Variants in CFDP1 observed in about 807,000 individuals in gnomAD.
The protein encoded by CFDP1 is heterochromatin-stabilizing protein CFDP1.
CFDP1 carries 31 observed loss-of-function variants against 40.1 expected under a neutral mutation model. That is an observed-to-expected ratio of 0.77 (90% CI 0.58 to 1.04). The LOEUF is 1.04. CFDP1 is among the 50% of genes least tolerant of loss of function. CFDP1 has a pLI of 0.00. For missense variants in CFDP1, 423 were observed against 343.4 expected, an observed-to-expected ratio of 1.23 and a Z score of -1.83; for synonymous variants, 167 against 120.0, an observed-to-expected ratio of 1.39 and a Z score of -2.56.
intron 5 of CFDP1, among the ~76,000 whole-genome samples, chr16:75,308,156 G>A (rs959855643): frequency 1.3e-5 from 2 of 152,218 alleles, no homozygotes; most frequent in African/African-American, 2.4e-5. Flanking sequence ...AGGTGGTGGA[G>A]CTCAAGCCAT....
At position 75,307,001 on chromosome 16, in the gene CFDP1, T is replaced by C. The variant is rs140309543; in HGVS notation, c.651-1819A>G. Among the ~76,000 whole-genome samples, 9 of 152,290 alleles carry C rather than the reference T, an allele frequency of 5.9e-5. No individual in the cohort carries two copies. The East Asian group carries it at 1.7e-3, about 29-fold the overall frequency. On this transcript the variant is annotated intron_variant, in intron 5 of 6. Coordinates refer to ENST00000283882, the MANE Select transcript of CFDP1 (RefSeq NM_006324.3). ...GTCTCAAATCTTTTTCCTTCTCATC[T>C]TCCTTACTGCTACTGCCCGAATTCT... is the stretch of plus-strand genomic sequence containing the variant.
intron 5 of CFDP1, among the ~76,000 whole-genome samples, chr16:75,357,773 T>C (rs1244277960): frequency 6.6e-6 from 1 of 152,232 alleles, no homozygotes; most frequent in Non-Finnish European, 1.5e-5. Context: ...CACTTTCTTA[T>C]CATTTGTGCG....
At chr16:75,370,509 A>G (rs1230548072) in intron 5 of CFDP1, among the ~76,000 whole-genome samples, 1 of 152,230 alleles carries the variant, frequency 6.6e-6, no homozygotes, top group Non-Finnish European at 1.5e-5. Context: ...ATACATATGT[A>G]ACAAACCTGC....
At chr16:75,341,994 G>T (rs903682643) in intron 5 of CFDP1, among the ~76,000 whole-genome samples, 2 of 152,074 alleles carry the variant, frequency 1.3e-5, no homozygotes, top group African/African-American at 2.4e-5. Flanking sequence ...AAACTCCAGT[G>T]GCATTTTATT....
intron 5 of CFDP1, among the ~76,000 whole-genome samples, chr16:75,378,943 C>T (rs2078827696): frequency 6.6e-6 from 1 of 151,826 alleles, no homozygotes; most frequent in East Asian, 1.9e-4. Context: ...AACAGAAAGA[C>T]AACAGAAAAC....
intron 5 of CFDP1, among the ~76,000 whole-genome samples, chr16:75,315,903 C>T (rs1042721311): frequency 6.6e-6 from 1 of 152,190 alleles, no homozygotes; most frequent in Non-Finnish European, 1.5e-5. Flanking sequence ...TCCCCATTCT[C>T]TCTCAAAATG....
intron 5 of CFDP1, among the ~76,000 whole-genome samples, chr16:75,383,637 G>T (rs1415388554): frequency 6.6e-6 from 1 of 151,992 alleles, no homozygotes; most frequent in Admixed American, 6.6e-5. Flanking sequence ...TTGCCAATAT[G>T]GTGAAACCCT....
At chr16:75,362,975 G>C (rs1249133801) in intron 5 of CFDP1, 1 of 152,050 alleles carries the variant, frequency 6.6e-6, no homozygotes, top group Non-Finnish European at 1.5e-5. Flanking sequence ...AAAGCAAACT[G>C]TTGGCTCTGA....
chr16:75,367,022 G>C (rs139197334), intron 5 of CFDP1, among the ~76,000 whole-genome samples: 1 of 151,932 alleles, frequency 6.6e-6, no homozygotes, highest in Non-Finnish European at 1.5e-5. Context: ...AAATTAGCTG[G>C]GTGTGGTGGC....
chr16:75,414,793 A>G, intron 1 of CFDP1, 98 bp from the exon 2 acceptor site: 1 of 797,484 alleles, frequency 1.3e-6, no homozygotes, highest in Non-Finnish European at 2.0e-6. Flanking sequence ...AGACATTTTC[A>G]TTAAGAAAAA....
At chr16:75,317,948 T>G in intron 5 of CFDP1, among the ~76,000 whole-genome samples, 1 of 151,060 alleles carries the variant, frequency 6.6e-6, no homozygotes, top group Non-Finnish European at 1.5e-5. Flanking sequence ...CCACCCCCCA[T>G]CTCTACTAAA....
rs189563346 is a variant in CFDP1, at chr16:75,296,114, G to A, written c.810-2072C>T. 2.6e-5 allele frequency among the ~76,000 whole-genome samples: 4 copies of A among 152,340 alleles called. No homozygotes were observed. The East Asian group carries it at 7.7e-4, about 29-fold the overall frequency. On this transcript the variant is annotated intron_variant, in intron 6 of 6. Transcript: ENST00000283882. Reference sequence around the variant, plus strand: ...CCTCAGCATGAGATCTTGCTGTGCTGTTGTTCACCTGGGGGTGTAAGAGGA... The same window carrying A: ...CCTCAGCATGAGATCTTGCTGTGCTATTGTTCACCTGGGGGTGTAAGAGGA...
intron 4 of CFDP1, among the ~76,000 whole-genome samples, chr16:75,399,785 C>G (rs1407851078): frequency 6.6e-6 from 1 of 152,056 alleles, no homozygotes; most frequent in Non-Finnish European, 1.5e-5. Context: ...GGCAACATGG[C>G]AAGACCCTAA....
intron 1 of CFDP1, among the ~76,000 whole-genome samples, chr16:75,424,391 G>T (rs139406446): frequency 6.6e-6 from 1 of 152,268 alleles, no homozygotes; most frequent in East Asian, 1.9e-4. Context: ...GACACACACG[G>T]CATCTGTGAA....
intron 5 of CFDP1, among the ~76,000 whole-genome samples, chr16:75,347,834 G>T (rs1393280535): frequency 6.6e-6 from 1 of 152,112 alleles, no homozygotes; most frequent in Non-Finnish European, 1.5e-5. Context: ...CTCTCTGGTG[G>T]TCTCTCCAAC....
chr16:75,298,787 T>G (rs1312465237), intron 6 of CFDP1, among the ~76,000 whole-genome samples: 1 of 152,202 alleles, frequency 6.6e-6, no homozygotes, highest in African/African-American at 2.4e-5. Context: ...CTCCACTGCC[T>G]TCTTCCCCTA....
At chr16:75,411,447 C>T (rs566115288) in intron 4 of CFDP1, among the ~76,000 whole-genome samples, 3 of 152,194 alleles carry the variant, frequency 2.0e-5, no homozygotes, top group Non-Finnish European at 2.9e-5. Flanking sequence ...AATTTCTCTC[C>T]TTGTATTTTC....
chr16:75,397,461 G>C (rs1342940333), intron 4 of CFDP1, among the ~76,000 whole-genome samples: 1 of 151,794 alleles, frequency 6.6e-6, no homozygotes, highest in Non-Finnish European at 1.5e-5. Flanking sequence ...AGCCAAGATA[G>C]CATCACTGCA....
intron 5 of CFDP1, among the ~76,000 whole-genome samples, chr16:75,327,493 T>C (rs933749978): frequency 5.3e-5 from 8 of 152,014 alleles, no homozygotes; most frequent in African/African-American, 1.9e-4. Flanking sequence ...TGACAAATTA[T>C]AGAATACAGT....
Sources: gnomAD v4.1 joint callset for allele counts (sites outside exome capture counted in the v4.1 genomes callset) on GRCh38, gnomAD v4.1.1 for gene constraint, MANE v1.5 for transcripts, NCBI Gene and HGNC (gene_info 2026-07-23, HGNC 2026-07-21) for gene names.